The following SP3 variants were observed in gnomAD, a reference collection of about 807,000 sequenced individuals.
SP3 encodes Sp3 transcription factor.
Under a neutral mutation model 70.3 loss-of-function variants are expected in SP3, and 10 were observed. The ratio of observed to expected loss-of-function variants is 0.14; its 90% CI spans 0.09 to 0.24. The LOEUF is 0.24. Ranked by LOEUF, SP3 falls within the 10% of genes least tolerant of loss-of-function variation. The pLI, the probability that SP3 is intolerant of heterozygous loss-of-function variation, is 1.00. For synonymous variants in SP3, 402 were observed against 333.5 expected, an observed-to-expected ratio of 1.21 and a Z score of -2.24; for missense variants, 825 against 914.6, an observed-to-expected ratio of 0.90 and a Z score of 1.26.
chr2:173,962,797 ATTT>A (rs759901231), intron 3 of SP3, among the ~76,000 whole-genome samples: 3 of 151,642 alleles, frequency 2.0e-5, no homozygotes, highest in Non-Finnish European at 4.4e-5. Flanking sequence ...GGTTTTCATT[ATTT>A]TAATAGGTGA....
chr2:173,963,945 G>C (rs1691177146), intron 2 of SP3, 62 bp from the exon 3 acceptor site: 4 of 1,201,948 alleles, frequency 3.3e-6, no homozygotes, highest in East Asian at 3.3e-5. Context: ...TTAGGGTCGG[G>C]CCGCCTTTCG....
chr2:173,965,280 G>A lies in SP3; in HGVS notation c.-109C>T. On this transcript the variant is annotated 5_prime_UTR_variant, in exon 1 of 7. Transcript: ENST00000310015. ...CGGGAAGCGGCGGCGGACACGGCCGGAGCGGTCCGGGGATTTTTTTTTCCT... is the reference window on the plus strand; with the variant it reads ...CGGGAAGCGGCGGCGGACACGGCCGAAGCGGTCCGGGGATTTTTTTTTCCT... 7.7e-7 allele frequency: 1 copy of A among 1,298,470 alleles called. No homozygotes were observed. Among genetic ancestry groups the A allele is most frequent in the Non-Finnish European group, 1.1e-6 (1 of 926,080 alleles). The allele number at this position is 1,298,470 out of a possible 1,614,324, so 80.4% of individuals were successfully genotyped here.
At chr2:173,911,097 T>G (rs1689470545) in intron 6 of SP3, among the ~76,000 whole-genome samples, 2 of 152,222 alleles carry the variant, frequency 1.3e-5, no homozygotes, top group South Asian at 2.1e-4. Context: ...GCACCTCTAC[T>G]CTACATAGGT....
At chr2:173,937,166 G>A (rs1302452557) in intron 4 of SP3, among the ~76,000 whole-genome samples, 1 of 152,048 alleles carries the variant, frequency 6.6e-6, no homozygotes, top group Non-Finnish European at 1.5e-5. Flanking sequence ...TTGTTCACCC[G>A]CTCTCTCAAG....
At chr2:173,911,751 G>A (rs894393782) in intron 6 of SP3, among the ~76,000 whole-genome samples, 1 of 148,608 alleles carries the variant, frequency 6.7e-6, no homozygotes, top group East Asian at 2.0e-4. Context: ...ATCCCAAGCA[G>A]TAATTATCTC....
Position 173,910,193 on chromosome 2 carries a change from T to C in SP3, c.2094A>G (p.Lys698=), listed in dbSNP as rs1689439975. 3 of 1,613,906 alleles carry C rather than the reference T, an allele frequency of 1.9e-6. No homozygotes were observed. Among genetic ancestry groups the C allele is most frequent in the Non-Finnish European group, 2.5e-6 (3 of 1,179,918 alleles). ...TTTTATTCTGGTGTGTTTTAATATG[T>C]TTGGCAAGGTGGTCACTTCTCATAA... ...KRFMRSDHLA[K]HIKTHQNKKG... Residue 698 remains lysine (K), a synonymous_variant, in exon 7 of 7, where the codon AAA becomes AAG. Coordinates refer to ENST00000310015, the MANE Select transcript of SP3 (RefSeq NM_003111.5).
upstream of SP3, chr2:173,965,436 T>G: frequency 2.0e-6 from 1 of 506,888 alleles, no homozygotes; most frequent in Non-Finnish European, 3.5e-6. Flanking sequence ...CTTTGTCGGC[T>G]GTGCTCATTG....
At chr2:173,930,291 A>G (rs1219769483) in intron 4 of SP3, among the ~76,000 whole-genome samples, 1 of 152,144 alleles carries the variant, frequency 6.6e-6, no homozygotes, top group Non-Finnish European at 1.5e-5. Context: ...AGAAGCAACT[A>G]CTGGTCAGGC....
chr2:173,938,300 T>C (rs781742696), intron 4 of SP3, among the ~76,000 whole-genome samples: 1 of 151,776 alleles, frequency 6.6e-6, no homozygotes, highest in Non-Finnish European at 1.5e-5. Context: ...CTGCTAAATA[T>C]ACAAAAATTA....
intron 4 of SP3, among the ~76,000 whole-genome samples, chr2:173,947,112 T>G (rs1346061946): frequency 6.6e-6 from 1 of 152,194 alleles, no homozygotes; most frequent in Non-Finnish European, 1.5e-5. Flanking sequence ...TGATTTTAGT[T>G]CAAGTCAGAG....
chr2:173,947,853 A>G lies in SP3; in HGVS notation c.1639+7020T>C, dbSNP rs566830343. Among the ~76,000 whole-genome samples the G allele has an allele frequency of 3.9e-5, 6 of 152,292 alleles. No homozygotes were observed. The East Asian group carries it at 7.7e-4, about 20-fold the overall frequency. ...TTTCTGCAAGCCCCAAAACTCATAT[A>G]TAACTCTTGTAAGCAGTAATACTGG... On this transcript the variant is annotated intron_variant, in intron 4 of 6. Coordinates refer to ENST00000310015, the MANE Select transcript of SP3 (RefSeq NM_003111.5).
chr2:173,901,464 G>A lies in SP3; in HGVS notation c.*8477C>T, dbSNP rs1319694006. 6.6e-6 allele frequency among the ~76,000 whole-genome samples: 1 copy of A among 151,974 alleles called. No individual in the cohort carries two copies. The highest frequency in any genetic ancestry group is 6.5e-5 in the Admixed American group (1 of 15,268). Reference sequence around the variant, plus strand: ...TGTTTGAAGATCAATGCAAAAAATTGCAAATAACCCCAAAAAGCAAGTGGG... The same window carrying A: ...TGTTTGAAGATCAATGCAAAAAATTACAAATAACCCCAAAAAGCAAGTGGG... On this transcript the variant is annotated 3_prime_UTR_variant, in exon 7 of 7. Transcript: ENST00000310015.
rs770177660 is a variant in SP3, at chr2:173,956,116, A to G, written c.396T>C (p.Ala132=). ...GAACATACTGCCCACTTGAAGTAGC[A>G]GCACTTGGAATCTGGACTAGATTAC... is the stretch of plus-strand genomic sequence containing the variant. The part of the protein sequence containing the change: ...EAGNLVQIPS[A]ATSSGQYVLP... The change falls in exon 4 of 7, where the codon GCT becomes GCC. Residue 132 remains alanine (A), a synonymous_variant. Transcript: ENST00000310015. 1.1e-5 allele frequency: 17 copies of G among 1,614,122 alleles called. No homozygotes were observed. In the African/African-American group the frequency reaches 2.0e-4, roughly 19 times the overall value.
At chr2:173,947,091 T>C (rs1231086052) in intron 4 of SP3, among the ~76,000 whole-genome samples, 1 of 152,218 alleles carries the variant, frequency 6.6e-6, no homozygotes, top group Non-Finnish European at 1.5e-5. Context: ...GTAACATCTC[T>C]GTAATGTCTG....
chr2:173,964,406 TG>T lies in SP3; in HGVS notation c.154del (p.Gln52ArgfsTer18). 2 of 703,954 alleles carry T rather than the reference TG, an allele frequency of 2.8e-6. No homozygotes were observed. Among genetic ancestry groups the T allele is most frequent in the Non-Finnish European group, 5.2e-6 (2 of 386,014 alleles). The allele number at this position is 703,954 out of a possible 1,614,324, so 43.6% of individuals were successfully genotyped here. A position where few individuals can be genotyped will look rare whatever the true frequency, so the allele number is the denominator to read the frequency against. ...NGAVAAAAAA[Q>X]DTQPSPLALL... is the part of the protein sequence containing the mutation. ...GGCCGGGGTTCAGCCGCTCCTCACCTGGGCCGCCGCTGCCGCCGCCACCGCA... is the reference window on the plus strand; with the variant it reads ...GGCCGGGGTTCAGCCGCTCCTCACCTGGCCGCCGCTGCCGCCGCCACCGCA... On this transcript the variant is annotated frameshift_variant and splice_region_variant, in exon 2 of 7. Coordinates refer to ENST00000310015, the MANE Select transcript of SP3 (RefSeq NM_003111.5). LOFTEE classifies it high-confidence loss of function.
intron 2 of SP3, 136 bp downstream of exon 2, chr2:173,964,269 C>G (rs1691198320): frequency 3.9e-6 from 2 of 510,580 alleles, no homozygotes; most frequent in South Asian, 4.9e-5. Context: ...GCGGGCAGCT[C>G]CCGGGGCGGG....
At chr2:173,918,520 A>C in intron 5 of SP3, 73 bp downstream of exon 5, 17 of 1,334,784 alleles carry the variant, frequency 1.3e-5, no homozygotes, top group East Asian at 2.3e-5. Context: ...TAAATGACAT[A>C]GCATGCAGTA....
chr2:173,934,118 T>C (rs1177459385), intron 4 of SP3, among the ~76,000 whole-genome samples: 6 of 151,950 alleles, frequency 3.9e-5, no homozygotes, highest in Admixed American at 3.9e-4. Context: ...GGGGCACCTG[T>C]AGTCCCACCT....
At chr2:173,946,404 G>A (rs566245233) in intron 4 of SP3, among the ~76,000 whole-genome samples, 3 of 151,712 alleles carry the variant, frequency 2.0e-5, no homozygotes, top group African/African-American at 7.3e-5. Flanking sequence ...TCAACCTCCG[G>A]AGTAGCTGGA....
Sources: allele counts gnomAD v4.1 joint callset (sites outside exome capture counted in the v4.1 genomes callset), GRCh38; gene constraint gnomAD v4.1.1; transcripts MANE v1.5; gene names NCBI Gene and HGNC (gene_info 2026-07-23, HGNC 2026-07-21).